The following MGST2 variants were observed in gnomAD, a reference collection of about 807,000 sequenced individuals.
MGST2 encodes microsomal glutathione S-transferase 2.
MGST2 carries 9 observed loss-of-function variants against 16.6 expected under a neutral mutation model. The observed-to-expected ratio is 0.54, with a 90% confidence interval of 0.33 to 0.95. The LOEUF (loss-of-function observed/expected upper bound fraction) is 0.95. Among genes scored for constraint, MGST2 ranks in the 40% least tolerant of loss-of-function variants. MGST2 has a pLI of 0.03. For missense variants in MGST2, 159 were observed against 175.1 expected (o/e 0.91, Z 0.52); for synonymous variants, 79 against 68.0 (o/e 1.16, Z -0.79).
At chr4:139,730,470 C>T (rs1728659129) in intron 5 of MGST2, 1 of 1,552,630 alleles carries the variant, frequency 6.4e-7, no homozygotes, top group Admixed American at 2.0e-5. Context: ...TTTGCTCCCG[C>T]AGGAACTGTT....
At chr4:139,670,234 A>G (rs933112799) in intron 1 of MGST2, among the ~76,000 whole-genome samples, 4 of 108,880 alleles carry the variant, frequency 3.7e-5, no homozygotes, top group Non-Finnish European at 7.0e-5. Flanking sequence ...GAGGTGTAAT[A>G]TTCTGATTTC....
intron 2 of MGST2, among the ~76,000 whole-genome samples, chr4:139,680,337 C>T (rs1290922408): frequency 6.6e-6 from 1 of 152,014 alleles, no homozygotes; most frequent in African/African-American, 2.4e-5. Flanking sequence ...AATAATTGCT[C>T]TTTATTTCTT....
At chr4:139,673,007 A>ATAT (rs1730780575) in intron 1 of MGST2, among the ~76,000 whole-genome samples, 1 of 152,228 alleles carries the variant, frequency 6.6e-6, no homozygotes, top group African/African-American at 2.4e-5. Context: ...GGGGGAGATC[A>ATAT]TATCCTGTTC....
chr4:139,732,486 A>G lies in MGST2; in HGVS notation c.*49-7726A>G, dbSNP rs762376009. On this transcript the variant is annotated intron_variant, in intron 5 of 5. Transcript: ENST00000616265. ...CGCTACTCCTCTTACCCTAGAAACA[A>G]TCACCCAAGAAGCTCTGGTTTGTTC... is the stretch of plus-strand genomic sequence containing the variant. Among the ~76,000 whole-genome samples the G allele has an allele frequency of 3.9e-5, 6 of 152,332 alleles. No homozygotes were observed. The South Asian group carries it at 6.2e-4, about 16-fold the overall frequency.
chr4:139,754,165 A>G, the MGST2 span, among the ~76,000 whole-genome samples: 1 of 152,276 alleles, frequency 6.6e-6, no homozygotes, highest in African/African-American at 2.4e-5. Flanking sequence ...GCATAATGCA[A>G]ACAATATTAC....
intron 5 of MGST2, among the ~76,000 whole-genome samples, chr4:139,711,179 G>C (rs779051346): frequency 2.6e-5 from 4 of 151,798 alleles, no homozygotes; most frequent in Non-Finnish European, 5.9e-5. Context: ...ATGACCGGCT[G>C]TTTTCTATTT....
rs762539903 is a variant in MGST2, at chr4:139,720,265, C to T, written c.*48+16069C>T. On this transcript the variant is annotated intron_variant, in intron 5 of 5. Transcript: ENST00000616265. Reference sequence around the variant, plus strand: ...CTGCGTTCTGTGCCATCAGCCGTGACGTTCGCATGCTCTGGAGGGCTGCTT... The same window carrying T: ...CTGCGTTCTGTGCCATCAGCCGTGATGTTCGCATGCTCTGGAGGGCTGCTT... 274 of 1,589,350 alleles carry T rather than the reference C, an allele frequency of 1.7e-4. 1 individual carries two copies. In the Middle Eastern group the frequency reaches 7.4e-3, roughly 43 times the overall value.
chr4:139,740,969 C>T (rs111752829), downstream of MGST2, among the ~76,000 whole-genome samples: 12 of 152,280 alleles, frequency 7.9e-5, no homozygotes, highest in African/African-American at 2.4e-4. Flanking sequence ...AGGGAGGGCC[C>T]GTGTCAGCCT....
intron 5 of MGST2, chr4:139,719,062 C>T (rs1728111814): frequency 4.4e-6 from 2 of 450,332 alleles, no homozygotes; most frequent in Non-Finnish European, 3.9e-6. Flanking sequence ...TTCATCTTCC[C>T]ACCTGCTCCT....
At chr4:139,749,147 T>C in the MGST2 span, among the ~76,000 whole-genome samples, 1 of 152,218 alleles carries the variant, frequency 6.6e-6, no homozygotes, top group East Asian at 1.9e-4. Flanking sequence ...AGGCAAAGAA[T>C]GGTTTATAAA....
downstream of MGST2, among the ~76,000 whole-genome samples, chr4:139,709,010 A>AAAG (rs1727632841): frequency 7.3e-6 from 1 of 137,766 alleles, no homozygotes; most frequent in Non-Finnish European, 1.5e-5. Flanking sequence ...AAAAAAAAAA[A>AAAG]AAAAAGAAAA....
chr4:139,670,744 C>T (rs1730642203), intron 1 of MGST2, among the ~76,000 whole-genome samples: 1 of 151,926 alleles, frequency 6.6e-6, no homozygotes, highest in African/African-American at 2.4e-5. Context: ...GAAATGCTGT[C>T]TCTATTAAAA....
intron 5 of MGST2, among the ~76,000 whole-genome samples, chr4:139,716,353 T>TTTA (rs1429292376): frequency 6.6e-6 from 1 of 152,214 alleles, no homozygotes; most frequent in African/African-American, 2.4e-5. Flanking sequence ...AACAAGAACC[T>TTTA]TTATTACTTC....
chr4:139,730,672 G>A (rs561920679), intron 5 of MGST2: 28 of 1,609,264 alleles, frequency 1.7e-5, no homozygotes, highest in African/African-American at 2.7e-5. Flanking sequence ...CTGCTCCTGG[G>A]AAGACAAGAG....
intron 5 of MGST2, chr4:139,730,580 T>C: frequency 6.2e-7 from 1 of 1,607,362 alleles, no homozygotes; most frequent in Admixed American, 1.7e-5. Flanking sequence ...CCTGCGGGAC[T>C]GGCTCCTGAG....
intron 5 of MGST2, among the ~76,000 whole-genome samples, chr4:139,729,085 C>T (rs1047214058): frequency 2.3e-5 from 3 of 130,624 alleles, no homozygotes; most frequent in African/African-American, 8.7e-5. Context: ...TTTGTTTGTA[C>T]AATAGCTGCC....
rs868258528 is a variant in MGST2, at chr4:139,668,601, G to A, written c.58+2524G>A. Reference sequence around the variant, plus strand: ...GTGGGGTTCAAGAAAGACACAGAGAGAGAGAGAGAGAGAGGAGGGGGAGGG... The same window carrying A: ...GTGGGGTTCAAGAAAGACACAGAGAAAGAGAGAGAGAGAGGAGGGGGAGGG... On this transcript the variant is annotated intron_variant, in intron 1 of 4. Coordinates refer to ENST00000265498, the MANE Select transcript of MGST2 (RefSeq NM_002413.5). Among the ~76,000 whole-genome samples, 4 of 149,058 alleles carry A rather than the reference G, an allele frequency of 2.7e-5. No homozygotes were observed. The South Asian group carries it at 6.5e-4, about 24-fold the overall frequency.
intron 2 of MGST2, among the ~76,000 whole-genome samples, chr4:139,681,256 A>C (rs1394254328): frequency 1.3e-5 from 2 of 152,082 alleles, no homozygotes; most frequent in Non-Finnish European, 2.9e-5. Context: ...GGGCTCAAGC[A>C]ATCTGCCCAC....
intron 5 of MGST2, among the ~76,000 whole-genome samples, chr4:139,733,974 G>A (rs1728826505): frequency 6.6e-6 from 1 of 152,244 alleles, no homozygotes; most frequent in African/African-American, 2.4e-5. Context: ...TTACAAGCAT[G>A]AGCCACTGCT....
Sources: gnomAD v4.1 joint callset for allele counts (sites outside exome capture counted in the v4.1 genomes callset) on GRCh38, gnomAD v4.1.1 for gene constraint, MANE v1.5 for transcripts, NCBI Gene and HGNC (gene_info 2026-07-23, HGNC 2026-07-21) for gene names.